The following TTC7B variants were observed in gnomAD, a reference collection of about 807,000 sequenced individuals.
The protein encoded by TTC7B is tetratricopeptide repeat domain 7B.
Under a neutral mutation model 106.8 loss-of-function variants are expected in TTC7B, and 28 were observed. The ratio of observed to expected loss-of-function variants is 0.26; its 90% CI spans 0.19 to 0.36. The LOEUF (loss-of-function observed/expected upper bound fraction) is 0.36. TTC7B is among the 10% of genes least tolerant of loss of function. TTC7B has a pLI of 1.00. For missense variants in TTC7B, 862 were observed against 1,076.4 expected, an observed-to-expected ratio of 0.80 and a Z score of 2.79; for synonymous variants, 405 against 430.6, an observed-to-expected ratio of 0.94 and a Z score of 0.74.
chr14:90,584,987 C>G (rs892378489), intron 18 of TTC7B, among the ~76,000 whole-genome samples: 17 of 152,168 alleles, frequency 1.1e-4, no homozygotes, highest in African/African-American at 3.1e-4. Context: ...GCTCTGTCGG[C>G]TCTCACTGGA....
At chr14:90,654,484 A>G (rs896792678) in intron 12 of TTC7B, among the ~76,000 whole-genome samples, 3 of 152,198 alleles carry the variant, frequency 2.0e-5, no homozygotes, top group Non-Finnish European at 2.9e-5. Context: ...CACTGCGCCC[A>G]AGACCCCTAG....
chr14:90,695,465 C>T, intron 6 of TTC7B, 35 bp downstream of exon 6: 1 of 1,348,676 alleles, frequency 7.4e-7, no homozygotes, highest in Non-Finnish European at 1.0e-6. Flanking sequence ...GACAAGTGCC[C>T]TGCTGGCCTC....
intron 3 of TTC7B, among the ~76,000 whole-genome samples, chr14:90,755,232 G>A (rs912463581): frequency 9.2e-5 from 14 of 152,138 alleles, no homozygotes; most frequent in African/African-American, 3.4e-4. Flanking sequence ...ACCTAGGGAC[G>A]GAATTAGACA....
chr14:90,808,083 A>G lies in TTC7B; in HGVS notation c.121+8092T>C, dbSNP rs138457292. 2.0e-3 allele frequency among the ~76,000 whole-genome samples: 305 copies of G among 152,372 alleles called. 3 individuals are homozygous for G. Among genetic ancestry groups the G allele is most frequent in the Admixed American group, 0.014 (220 of 15,302 alleles). On this transcript the variant is annotated intron_variant, in intron 1 of 19. Coordinates refer to ENST00000328459, the MANE Select transcript of TTC7B (RefSeq NM_001010854.2). This position sits in a 1 kb window ranked among gnomAD's most constrained non-coding sequence, Gnocchi z 4.2. The stretch of plus-strand genomic sequence containing the variant: ...GCCCTGAATGAGAATTACCCCTGAC[A>G]TCATTCGCTTGTTGTGATGATTAAC...
At chr14:90,559,662 C>A (rs1479611684) in intron 19 of TTC7B, among the ~76,000 whole-genome samples, 1 of 133,920 alleles carries the variant, frequency 7.5e-6, no homozygotes, top group Non-Finnish European at 1.8e-5. Context: ...ACGATTCTCA[C>A]AACACACACG....
At chr14:90,660,417 A>AAAAAAAAAAAAG (rs1555386791) in intron 9 of TTC7B, among the ~76,000 whole-genome samples, 38 of 119,382 alleles carry the variant, frequency 3.2e-4, no homozygotes, top group African/African-American at 1.4e-3. Context: ...AAAAAAAAAA[A>AAAAAAAAAAAAG]AAAAGAAAAG....
intron 15 of TTC7B, among the ~76,000 whole-genome samples, chr14:90,634,427 G>A (rs1322586432): frequency 6.6e-6 from 1 of 151,826 alleles, no homozygotes; most frequent in African/African-American, 2.4e-5. Flanking sequence ...AGAAGGCAGA[G>A]GTTATCAGAC....
At position 90,721,101 on chromosome 14, in the gene TTC7B, G is replaced by A. The variant is rs142959040; in HGVS notation, c.698+8974C>T. ...GCCTTCCAAGAGGCAGCATATCACCGGTAAACCATGCAGGGAGGGGCCTTT... is the reference window on the plus strand; with the variant it reads ...GCCTTCCAAGAGGCAGCATATCACCAGTAAACCATGCAGGGAGGGGCCTTT... On this transcript the variant is annotated intron_variant, in intron 5 of 19. Transcript: ENST00000328459. 1.9e-3 allele frequency among the ~76,000 whole-genome samples: 295 copies of A among 152,126 alleles called. 2 individuals carry two copies. Among genetic ancestry groups the A allele is most frequent in the African/African-American group, 6.7e-3 (276 of 41,468 alleles).
In TTC7B at chr14:90,816,234, C is replaced by T; in HGVS notation, c.62G>A (p.Cys21Tyr). The T allele has an allele frequency of 7.9e-7, 1 of 1,271,686 alleles. No individual in the cohort carries two copies. The highest frequency in any genetic ancestry group is 6.5e-5 in the East Asian group (1 of 15,502). 78.8% of individuals were successfully genotyped at this position (1,271,686 alleles called of 1,614,324 possible). A position where few individuals can be genotyped will look rare whatever the true frequency, so the allele number is the denominator to read the frequency against. ...GAGCTCAGGGATCCGCTCCCACTGG[C>T]ACTCGGAGCGGCAGCGCTCGATCTC... is the stretch of plus-strand genomic sequence containing the variant. ...ETEIERCRSE[C>Y]QWERIPELVK... Residue 21 changes from cysteine (C) to tyrosine (Y), a missense_variant, in exon 1 of 20, where the codon TGC becomes TAC. Physicochemically the swap from Cys to Tyr is radical, Grantham distance 194. Coordinates refer to ENST00000328459, the MANE Select transcript of TTC7B (RefSeq NM_001010854.2).
intron 4 of TTC7B, among the ~76,000 whole-genome samples, chr14:90,737,708 A>C (rs1231961286): frequency 6.6e-6 from 1 of 151,928 alleles, no homozygotes; most frequent in Non-Finnish European, 1.5e-5. Context: ...GCAGGTGCAC[A>C]CCACCACGCC....
At chr14:90,764,185 G>A (rs1890598491) in intron 3 of TTC7B, among the ~76,000 whole-genome samples, 1 of 152,102 alleles carries the variant, frequency 6.6e-6, no homozygotes, top group Non-Finnish European at 1.5e-5. Flanking sequence ...TTTCAACAAG[G>A]ATGCCAAGAC....
At chr14:90,607,508 T>A (rs1255644785) in intron 17 of TTC7B, among the ~76,000 whole-genome samples, 1 of 152,262 alleles carries the variant, frequency 6.6e-6, no homozygotes, top group Non-Finnish European at 1.5e-5. Flanking sequence ...TCTGTTTCAC[T>A]GGGAACCATT....
chr14:90,766,278 G>T (rs1481961075), intron 3 of TTC7B, among the ~76,000 whole-genome samples: 1 of 151,570 alleles, frequency 6.6e-6, no homozygotes, highest in Non-Finnish European at 1.5e-5. Context: ...CACAAAAATG[G>T]AAAGAGCAGC....
intron 18 of TTC7B, among the ~76,000 whole-genome samples, chr14:90,588,866 G>A (rs1366924491): frequency 1.4e-5 from 2 of 141,850 alleles, no homozygotes; most frequent in East Asian, 2.0e-4. Context: ...TTTAAAAAAC[G>A]GCAAAAGACA....
At position 90,538,246 on chromosome 14, in the gene TTC7B, G is replaced by GGATGGATA. The variant is rs1182393609; in HGVS notation, c.*3121_*3122insTATCCATC. ...CTCATCTATTAATGGATGGACGGAT[G>GGATGGATA]GATGGATGGATGGATGGATGGATGG... On this transcript the variant is annotated 3_prime_UTR_variant, in exon 20 of 20. Coordinates refer to ENST00000328459, the MANE Select transcript of TTC7B (RefSeq NM_001010854.2). 1 of 65,984 alleles carries GGATGGATA rather than the reference G, an allele frequency of 1.5e-5. No individual in the cohort carries two copies. Among genetic ancestry groups the GGATGGATA allele is most frequent in the Non-Finnish European group, 4.5e-5 (1 of 22,162 alleles). 4.1% of individuals were successfully genotyped at this position (65,984 alleles called of 1,614,324 possible).
chr14:90,683,799 T>C (rs1365971269), intron 7 of TTC7B, among the ~76,000 whole-genome samples: 1 of 152,160 alleles, frequency 6.6e-6, no homozygotes, highest in East Asian at 1.9e-4. Context: ...GTGGGCTGTG[T>C]ACACCAGAGG....
At chr14:90,712,833 C>T (rs929415464) in intron 5 of TTC7B, among the ~76,000 whole-genome samples, 2 of 151,526 alleles carry the variant, frequency 1.3e-5, no homozygotes, top group African/African-American at 4.9e-5. Context: ...TTAAAAAGAA[C>T]TAAGTTGGAG....
At position 90,540,069 on chromosome 14, in the gene TTC7B, T is replaced by C. The variant is rs1379626315; in HGVS notation, c.*1299A>G. 1 of 152,256 alleles carries C rather than the reference T, an allele frequency of 6.6e-6. No individual in the cohort carries two copies. Among genetic ancestry groups the C allele is most frequent in the Non-Finnish European group, 1.5e-5 (1 of 68,092 alleles). The allele number at this position is 152,256 out of a possible 1,614,324, so 9.4% of individuals were successfully genotyped here. On this transcript the variant is annotated 3_prime_UTR_variant, in exon 20 of 20. Transcript: ENST00000328459. ...CCCAAACCAAAACCAGGGCTGTTGC[T>C]GCAAAAAGGAGGCCTGGGTGCTGAG... is the stretch of plus-strand genomic sequence containing the variant.
intron 4 of TTC7B, among the ~76,000 whole-genome samples, chr14:90,732,841 TTCTC>T (rs954773977): frequency 3.9e-5 from 6 of 152,132 alleles, no homozygotes; most frequent in African/African-American, 1.2e-4. Context: ...CTTTTCCTCT[TTCTC>T]ATCTCTCAGA....
Sources: gnomAD v4.1 joint callset for allele counts (sites outside exome capture counted in the v4.1 genomes callset) on GRCh38, gnomAD v4.1.1 for gene constraint, Gnocchi (gnomAD v3.1) non-coding constraint, MANE v1.5 for transcripts, NCBI Gene and HGNC (gene_info 2026-07-23, HGNC 2026-07-21) for gene names.